The following ZNRF3 variants were observed in gnomAD, a reference collection of about 807,000 sequenced individuals.
The protein encoded by ZNRF3 is zinc and ring finger 3.
ZNRF3 carries 23 observed loss-of-function variants against 72.5 expected under a neutral mutation model. That is an observed-to-expected ratio of 0.32 (90% CI 0.23 to 0.45). The LOEUF (loss-of-function observed/expected upper bound fraction) is 0.45, where lower values mean the gene tolerates loss of function less well. Ranked by LOEUF, ZNRF3 falls within the 20% of genes least tolerant of loss-of-function variation. The probability of loss-of-function intolerance (pLI) is 1.00; values close to 1 mark genes in which losing one functional copy is unlikely to be tolerated. For missense variants in ZNRF3, 1,169 were observed against 1,272.1 expected, an observed-to-expected ratio of 0.92 and a Z score of 1.23; for synonymous variants, 610 against 545.3, an observed-to-expected ratio of 1.12 and a Z score of -1.65.
rs1465524660 is a variant in ZNRF3, at chr22:29,048,086, C to T, written c.913-303C>T. 2.6e-5 allele frequency among the ~76,000 whole-genome samples: 4 copies of T among 152,290 alleles called. No individual in the cohort carries two copies. The East Asian group carries it at 5.8e-4, about 22-fold the overall frequency. On this transcript the variant is annotated intron_variant, in intron 6 of 8. Transcript: ENST00000544604. The surrounding 1 kb of genome is among the most constrained non-coding windows in gnomAD (Gnocchi z 4.9). ...CTCACTAGCAGGAGGACTCGGCCCTCCCTGGGTGGAGGCATGAGTGTGTTT... is the reference window on the plus strand; with the variant it reads ...CTCACTAGCAGGAGGACTCGGCCCTTCCTGGGTGGAGGCATGAGTGTGTTT...
At position 29,050,288 on chromosome 22, in the gene ZNRF3, G is replaced by T. The variant is rs771277805; in HGVS notation, c.2107G>T (p.Gly703Trp). The T allele has an allele frequency of 5.6e-6, 9 of 1,597,818 alleles. No homozygotes were observed. The South Asian group carries it at 8.8e-5, about 16-fold the overall frequency. The change falls in exon 8 of 9, where the codon GGG (glycine) becomes TGG (tryptophan). Residue 703 changes from glycine to tryptophan, a missense_variant. Transcript: ENST00000544604. ...AAPDLRRTWK[G>W]GHELPSCACC... ...CCCTGACCTCAGGAGGACCTGGAAG[G>T]GGGGCCACGAGTTGCCGTCGTGTGC...
intron 1 of ZNRF3, among the ~76,000 whole-genome samples, chr22:28,911,148 C>T (rs1420168671): frequency 6.6e-6 from 1 of 152,036 alleles, no homozygotes; most frequent in African/African-American, 2.4e-5. Flanking sequence ...TGCAGCTGTG[C>T]CTCTGAAGGA....
rs774204563 is a variant in ZNRF3, at chr22:29,048,987, G to C, written c.1016-210G>C. On this transcript the variant is annotated intron_variant, in intron 7 of 8. Transcript: ENST00000544604. This position sits in a 1 kb window ranked among gnomAD's most constrained non-coding sequence, Gnocchi z 4.9. ...GGCAGAGCAGTGGGGAGTTGGGAGC[G>C]GGGCCCTTACAGGAGATGGGCCATT... Among the ~76,000 whole-genome samples the C allele has an allele frequency of 2.0e-5, 3 of 152,128 alleles. No individual in the cohort carries two copies. Among genetic ancestry groups the C allele is most frequent in the Non-Finnish European group, 4.4e-5 (3 of 68,002 alleles).
At chr22:29,016,577 G>T (rs1015103444) in intron 2 of ZNRF3, among the ~76,000 whole-genome samples, 1 of 152,228 alleles carries the variant, frequency 6.6e-6, no homozygotes, top group Non-Finnish European at 1.5e-5. Flanking sequence ...CAAATTACCT[G>T]TTAAAGCCAT....
At position 29,046,823 on chromosome 22, in the gene ZNRF3, A is replaced by C. The variant is rs1234278563; in HGVS notation, c.852A>C (p.Thr284=). ...RREGSCGALD[T]LSSSSTSDCA... ...AGGGGAGCTGTGGGGCCCTGGACAC[A>C]CTCAGCAGCAGCTCCACGTCCGACT... The change falls in exon 6 of 9, where the codon ACA becomes ACC. Residue 284 remains threonine (T), a synonymous_variant. Coordinates refer to ENST00000544604, the MANE Select transcript of ZNRF3 (RefSeq NM_001206998.2). 6.2e-7 allele frequency: 1 copy of C among 1,610,798 alleles called. No homozygotes were observed. The highest frequency in any genetic ancestry group is 1.1e-5 in the South Asian group (1 of 90,096).
intron 2 of ZNRF3, among the ~76,000 whole-genome samples, chr22:29,005,496 G>A (rs568741069): frequency 6.6e-6 from 1 of 152,306 alleles, no homozygotes; most frequent in East Asian, 1.9e-4. Flanking sequence ...GAGCTTGTTT[G>A]GGGTAGGAGG....
At chr22:28,902,474 C>T (rs1472693363) in intron 1 of ZNRF3, among the ~76,000 whole-genome samples, 1 of 152,052 alleles carries the variant, frequency 6.6e-6, no homozygotes, top group Non-Finnish European at 1.5e-5. Flanking sequence ...ACTCCCTGTC[C>T]TGCGCTCAAA....
chr22:28,935,334 C>T (rs140399108), intron 1 of ZNRF3, among the ~76,000 whole-genome samples: 1 of 152,370 alleles, frequency 6.6e-6, no homozygotes, highest in African/African-American at 2.4e-5. Flanking sequence ...ACATGATCCA[C>T]TCTGGCCTTA....
chr22:28,909,062 A>T, intron 1 of ZNRF3, among the ~76,000 whole-genome samples: 1 of 150,562 alleles, frequency 6.6e-6, no homozygotes, highest in Admixed American at 6.6e-5. Flanking sequence ...CACCCAGCTA[A>T]TTTTTTTTGT....
At chr22:28,897,331 C>T (rs996535130) in intron 1 of ZNRF3, among the ~76,000 whole-genome samples, 6 of 151,992 alleles carry the variant, frequency 3.9e-5, no homozygotes, top group Non-Finnish European at 5.9e-5. Context: ...TTAGGGGGAT[C>T]GGGGAGACAG....
rs1329202193 is a variant in ZNRF3 at position 29,048,498 on chromosome 22, G to A, written c.1015+7G>A. The A allele has an allele frequency of 2.5e-6, 4 of 1,613,912 alleles. No homozygotes were observed. Among genetic ancestry groups the A allele is most frequent in the Non-Finnish European group, 3.4e-6 (4 of 1,179,796 alleles). On this transcript the variant is annotated splice_region_variant and intron_variant, in intron 7 of 8. Coordinates refer to ENST00000544604, the MANE Select transcript of ZNRF3 (RefSeq NM_001206998.2). This position sits in a 1 kb window ranked among gnomAD's most constrained non-coding sequence, Gnocchi z 4.9. Reference sequence around the variant, plus strand: ...TGTCGGCACAACATCATAGGTAACTGTCACCCGCCTTAGCCATTGCTGAAG... The same window carrying A: ...TGTCGGCACAACATCATAGGTAACTATCACCCGCCTTAGCCATTGCTGAAG...
Position 29,050,741 on chromosome 22 carries a change from T to C in ZNRF3, c.2560T>C (p.Ser854Pro). 3.1e-6 allele frequency: 5 copies of C among 1,610,170 alleles called. No individual in the cohort carries two copies. Among genetic ancestry groups the C allele is most frequent in the Non-Finnish European group, 4.2e-6 (5 of 1,178,628 alleles). ...SDCQGTHSLG[S>P]WGGTRGPDTP... is the part of the protein sequence containing the mutation. ...CTGCCAAGGGACCCACAGCCTCGGC[T>C]CCTGGGGTGGGACGCGAGGCCCGGA... The change falls in exon 8 of 9, where the codon TCC (serine) becomes CCC (proline). Residue 854 changes from serine to proline, a missense_variant. Transcript: ENST00000544604.
intron 2 of ZNRF3, among the ~76,000 whole-genome samples, chr22:28,990,798 A>C (rs1230190732): frequency 6.6e-6 from 1 of 152,146 alleles, no homozygotes; most frequent in Admixed American, 6.5e-5. Context: ...TTTATTAAGC[A>C]TCTTATAGAG....
chr22:29,038,999 G>T (rs1482147006), intron 2 of ZNRF3, among the ~76,000 whole-genome samples: 1 of 151,578 alleles, frequency 6.6e-6, no homozygotes, highest in African/African-American at 2.4e-5. Context: ...CAAACCCCTG[G>T]GCTCAAGTGA....
At chr22:29,051,782 G>A (rs2123890429) in intron 8 of ZNRF3, among the ~76,000 whole-genome samples, 1 of 149,950 alleles carries the variant, frequency 6.7e-6, no homozygotes, top group South Asian at 2.2e-4. Context: ...GCGGGCACCT[G>A]TAATCCTAGC....
chr22:29,043,476 A>T, intron 4 of ZNRF3, 46 bp downstream of exon 4: 1 of 1,606,062 alleles, frequency 6.2e-7, no homozygotes, highest in South Asian at 1.1e-5. Flanking sequence ...CTTCTCTGCT[A>T]CTACCTGTCC....
chr22:29,007,902 G>A (rs2036287742), intron 2 of ZNRF3, among the ~76,000 whole-genome samples: 2 of 151,554 alleles, frequency 1.3e-5, no homozygotes, highest in African/African-American at 2.4e-5. Context: ...GATTACAGGC[G>A]TGCACAACCA....
chr22:29,014,169 C>T (rs2036393045), intron 2 of ZNRF3, among the ~76,000 whole-genome samples: 1 of 152,120 alleles, frequency 6.6e-6, no homozygotes, highest in South Asian at 2.1e-4. Flanking sequence ...GCAGTGACAA[C>T]AGCAAGGATC....
In ZNRF3 at chr22:29,039,784, C is replaced by CAA. The variant is rs397976678; in HGVS notation, c.427-2687_427-2686dup. Among the ~76,000 whole-genome samples, 693 of 85,208 alleles carry CAA rather than the reference C, an allele frequency of 8.1e-3. 12 individuals carry two copies. The highest frequency in any genetic ancestry group is 0.026 in the African/African-American group (545 of 21,230). 55.9% of individuals were successfully genotyped at this position (85,208 alleles called of 152,430 possible). ...CAACATAGTGAGACCTCGTCTCTAC[C>CAA]AAAAAAAAAAAAAAAAAAAAAAAAA... On this transcript the variant is annotated intron_variant, in intron 2 of 8. Coordinates refer to ENST00000544604, the MANE Select transcript of ZNRF3 (RefSeq NM_001206998.2).
Sources: gnomAD v4.1 joint callset for allele counts (sites outside exome capture counted in the v4.1 genomes callset) on GRCh38, gnomAD v4.1.1 for gene constraint, Gnocchi (gnomAD v3.1) non-coding constraint, MANE v1.5 for transcripts, NCBI Gene and HGNC (gene_info 2026-07-23, HGNC 2026-07-21) for gene names.